The following CTIF variants were observed in gnomAD, a reference collection of about 807,000 sequenced individuals.
CTIF encodes the protein cap binding complex dependent translation initiation factor.
In CTIF, 21 loss-of-function variants were observed where a neutral mutation model predicts 66.0. The ratio of observed to expected loss-of-function variants is 0.32; its 90% CI spans 0.23 to 0.46. CTIF has a LOEUF of 0.46. CTIF is among the 20% of genes least tolerant of loss of function. The pLI, the probability that CTIF is intolerant of heterozygous loss-of-function variation, is 1.00. For missense variants in CTIF, 739 were observed against 812.7 expected (o/e 0.91, Z 1.10); for synonymous variants, 345 against 326.4 (o/e 1.06, Z -0.62).
At chr18:48,704,585 G>T (rs187121635) in intron 6 of CTIF, among the ~76,000 whole-genome samples, 4 of 152,218 alleles carry the variant, frequency 2.6e-5, no homozygotes, top group African/African-American at 9.6e-5. Context: ...GGCCACACCC[G>T]CCCTAAGATG....
chr18:48,852,542 T>C (rs562181146), intron 10 of CTIF, among the ~76,000 whole-genome samples: 1 of 152,286 alleles, frequency 6.6e-6, no homozygotes, highest in East Asian at 1.9e-4. Context: ...GACCGTTGCC[T>C]GTGGCCCAAG....
chr18:48,549,834 G>T (rs1363610069), intron 1 of CTIF, among the ~76,000 whole-genome samples: 1 of 152,204 alleles, frequency 6.6e-6, no homozygotes, highest in Non-Finnish European at 1.5e-5. Context: ...AGCTGTGTTT[G>T]CAAGGAAGTG....
chr18:48,753,922 C>T (rs1908083712), intron 7 of CTIF, among the ~76,000 whole-genome samples: 1 of 152,262 alleles, frequency 6.6e-6, no homozygotes, highest in Admixed American at 6.5e-5. Flanking sequence ...GCCAGCTGGC[C>T]CCTGAATGAA....
At chr18:48,804,660 G>A (rs1399115278) in intron 9 of CTIF, among the ~76,000 whole-genome samples, 8 of 152,204 alleles carry the variant, frequency 5.3e-5, no homozygotes, top group Non-Finnish European at 1.2e-4. Flanking sequence ...TTAAGCCAAG[G>A]AGGTTTGCCT....
At chr18:48,622,936 G>A (rs569644768) in intron 2 of CTIF, among the ~76,000 whole-genome samples, 2 of 152,352 alleles carry the variant, frequency 1.3e-5, no homozygotes, top group East Asian at 1.9e-4. Flanking sequence ...TGCTCTACCT[G>A]GAGGAGCCAA....
chr18:48,700,293 A>G (rs375600072), intron 6 of CTIF, among the ~76,000 whole-genome samples: 1 of 152,236 alleles, frequency 6.6e-6, no homozygotes, highest in Non-Finnish European at 1.5e-5. Context: ...CTCCCCAGCC[A>G]TGTGGAACTG....
chr18:48,551,119 C>G (rs1314288628), intron 1 of CTIF, among the ~76,000 whole-genome samples: 1 of 148,568 alleles, frequency 6.7e-6, no homozygotes, highest in Non-Finnish European at 1.5e-5. Flanking sequence ...GAGAGTGGGC[C>G]CTAATCTAGT....
chr18:48,784,439 T>A (rs916612375), intron 9 of CTIF, among the ~76,000 whole-genome samples: 1 of 151,566 alleles, frequency 6.6e-6, no homozygotes, highest in South Asian at 2.1e-4. Flanking sequence ...GAGGAGAGAG[T>A]GTGGGCCAGA....
chr18:48,646,923 A>AAAAAAAAG (rs2091046259), intron 3 of CTIF, among the ~76,000 whole-genome samples: 1 of 150,462 alleles, frequency 6.6e-6, no homozygotes, highest in Non-Finnish European at 1.5e-5. Context: ...AAAAAAAAAA[A>AAAAAAAAG]AACGAAACCT....
chr18:48,797,500 G>A (rs917659232), intron 9 of CTIF, among the ~76,000 whole-genome samples: 4 of 149,462 alleles, frequency 2.7e-5, no homozygotes, highest in African/African-American at 9.9e-5. Flanking sequence ...AAAGGGGTGG[G>A]GGGGCAAGTT....
chr18:48,646,618 A>C (rs1271623188), intron 3 of CTIF, among the ~76,000 whole-genome samples: 2 of 151,928 alleles, frequency 1.3e-5, no homozygotes, highest in Non-Finnish European at 2.9e-5. Context: ...ATAGTGGCAC[A>C]TACCTGTGGT....
intron 1 of CTIF, among the ~76,000 whole-genome samples, chr18:48,602,046 C>A (rs1183231593): frequency 1.3e-5 from 2 of 152,226 alleles, no homozygotes; most frequent in African/African-American, 4.8e-5. Flanking sequence ...TGGCATAGCA[C>A]CCTTGCTGTT....
At chr18:48,785,042 C>G (rs1178662717) in intron 9 of CTIF, among the ~76,000 whole-genome samples, 1 of 152,242 alleles carries the variant, frequency 6.6e-6, no homozygotes, top group African/African-American at 2.4e-5. Flanking sequence ...AGTTTTGCCT[C>G]TAGTTCTTTG....
rs1161042519 is a variant in CTIF at position 48,664,429 on chromosome 18, C to T, written c.327-18C>T. Reference sequence around the variant, plus strand: ...GTTGCCCTCTTGCCTCCGTTTCTCACCCTCCCTCGCCCTCTAGTGGTGCCA... The same window carrying T: ...GTTGCCCTCTTGCCTCCGTTTCTCATCCTCCCTCGCCCTCTAGTGGTGCCA... On this transcript the variant is annotated intron_variant, in intron 4 of 11. Transcript: ENST00000256413. 1.3e-5 allele frequency: 21 copies of T among 1,606,434 alleles called. No homozygotes were observed. Among genetic ancestry groups the T allele is most frequent in the Non-Finnish European group, 1.7e-5 (20 of 1,173,790 alleles).
At chr18:48,539,477 CG>C (rs1323388838) in intron 1 of CTIF, 165 bp downstream of exon 1, 2 of 152,640 alleles carry the variant, frequency 1.3e-5, no homozygotes, top group Non-Finnish European at 2.9e-5. Flanking sequence ...CCTGGGCCAG[CG>C]GGGTGTCCGC....
intron 10 of CTIF, among the ~76,000 whole-genome samples, chr18:48,848,392 A>G (rs1461486288): frequency 6.6e-6 from 1 of 152,124 alleles, no homozygotes; most frequent in African/African-American, 2.4e-5. Flanking sequence ...GGCCACCTCC[A>G]GTCGCTACCA....
At chr18:48,643,756 C>G (rs1006460427) in intron 3 of CTIF, among the ~76,000 whole-genome samples, 2 of 152,084 alleles carry the variant, frequency 1.3e-5, no homozygotes. Context: ...GCTGCTGAGG[C>G]CTTCATTTTG....
intron 6 of CTIF, among the ~76,000 whole-genome samples, chr18:48,709,587 C>T (rs183450276): frequency 2.0e-5 from 3 of 152,302 alleles, no homozygotes; most frequent in East Asian, 3.9e-4. Context: ...TAGGGAGCCT[C>T]GGCTTCCTGT....
intron 6 of CTIF, among the ~76,000 whole-genome samples, chr18:48,678,901 A>T (rs140256649): frequency 0.015 from 2,209 of 152,334 alleles, 17 homozygotes; most frequent in Non-Finnish European, 0.022. Context: ...GACCAAGTCC[A>T]GCTCTCCAGC....
Sources: allele counts gnomAD v4.1 joint callset (sites outside exome capture counted in the v4.1 genomes callset), GRCh38; gene constraint gnomAD v4.1.1; transcripts MANE v1.5; gene names NCBI Gene and HGNC (gene_info 2026-07-23, HGNC 2026-07-21).